PCDH15: variants seen among roughly 807,000 people sequenced by gnomAD.
PCDH15 encodes the protein protocadherin-15.
In PCDH15, 129 loss-of-function variants were observed where a neutral mutation model predicts 178.5. That is an observed-to-expected ratio of 0.72 (90% CI 0.63 to 0.84). The LOEUF is 0.84. Among genes scored for constraint, PCDH15 ranks in the 40% least tolerant of loss-of-function variants. PCDH15 has a pLI of 0.00. For synonymous variants in PCDH15, 800 were observed against 732.0 expected (o/e 1.09, Z -1.50); for missense variants, 2,230 against 2,099.9 (o/e 1.06, Z -1.21).
At chr10:55,021,224 A>G (rs189730283) in intron 2 of PCDH15, among the ~76,000 whole-genome samples, 1 of 152,256 alleles carries the variant, frequency 6.6e-6, no homozygotes, top group Non-Finnish European at 1.5e-5. Flanking sequence ...TTACTCTTCC[A>G]CCACAAATAT....
chr10:54,673,883 A>G (rs1001109351), intron 1 of PCDH15, among the ~76,000 whole-genome samples: 9 of 152,198 alleles, frequency 5.9e-5, no homozygotes, highest in Non-Finnish European at 1.3e-4. Context: ...ATGTACTTAC[A>G]ACATTTATTT....
intron 2 of PCDH15, among the ~76,000 whole-genome samples, chr10:55,081,819 T>A (rs906757670): frequency 6.6e-6 from 1 of 152,142 alleles, no homozygotes; most frequent in African/African-American, 2.4e-5. Context: ...GCAGGCTGAA[T>A]GGACTAAGAC....
At chr10:55,028,987 TGA>T (rs1840545135) in intron 2 of PCDH15, among the ~76,000 whole-genome samples, 1 of 150,314 alleles carries the variant, frequency 6.7e-6, no homozygotes, top group Non-Finnish European at 1.5e-5. Context: ...AAATTTTTTT[TGA>T]GTCTTTCCAT....
chr10:54,827,151 AC>A (rs1953145603), intron 3 of PCDH15, among the ~76,000 whole-genome samples: 1 of 152,120 alleles, frequency 6.6e-6, no homozygotes. Flanking sequence ...CCTCTGGATG[AC>A]AGTGGCTGCT....
chr10:54,465,958 T>C (rs2077490292), intron 3 of PCDH15, among the ~76,000 whole-genome samples: 1 of 151,988 alleles, frequency 6.6e-6, no homozygotes, highest in African/African-American at 2.4e-5. Flanking sequence ...CAAGATGGTA[T>C]CTCATGATTT....
At chr10:54,604,254 T>C (rs188118775) in intron 2 of PCDH15, among the ~76,000 whole-genome samples, 1 of 152,078 alleles carries the variant, frequency 6.6e-6, no homozygotes, top group Admixed American at 6.6e-5. Flanking sequence ...CAATCTTCTG[T>C]TGTTGGGTAA....
At chr10:54,994,393 T>C (rs1036464747) in intron 2 of PCDH15, among the ~76,000 whole-genome samples, 3 of 152,132 alleles carry the variant, frequency 2.0e-5, no homozygotes, top group Admixed American at 2.0e-4. Context: ...AGCAGTTGCC[T>C]GATATAAAGA....
intron 18 of PCDH15, among the ~76,000 whole-genome samples, chr10:54,050,405 T>C (rs1239791881): frequency 3.9e-5 from 6 of 152,158 alleles, no homozygotes; most frequent in Non-Finnish European, 8.8e-5. Context: ...TTAATTGTAA[T>C]GTCATCTTTT....
chr10:55,024,781 C>T lies in PCDH15; in HGVS notation c.-79-127281G>A, dbSNP rs536821340. 9.2e-5 allele frequency among the ~76,000 whole-genome samples: 14 copies of T among 152,208 alleles called. No homozygotes were observed. In the South Asian group the frequency reaches 2.5e-3, roughly 27 times the overall value. Reference sequence around the variant, plus strand: ...ACCTTTATACACTCATGAGTGTGATCCCCTCCTGCCATTCCCACTGCCACT... The same window carrying T: ...ACCTTTATACACTCATGAGTGTGATTCCCTCCTGCCATTCCCACTGCCACT... On this transcript the variant is annotated intron_variant, in intron 2 of 5. Transcript: ENST00000458638.
chr10:55,474,336 C>CA (rs1191605700), intron 2 of PCDH15, among the ~76,000 whole-genome samples: 1 of 152,016 alleles, frequency 6.6e-6, no homozygotes, highest in African/African-American at 2.4e-5. Context: ...ATTTTAATAA[C>CA]AAAAAAACTT....
chr10:54,449,985 T>C (rs1449023860), intron 3 of PCDH15, among the ~76,000 whole-genome samples: 2 of 151,726 alleles, frequency 1.3e-5, no homozygotes, highest in East Asian at 3.9e-4. Flanking sequence ...TAGAGAGTTC[T>C]TGAAAAGCCT....
intron 28 of PCDH15, among the ~76,000 whole-genome samples, chr10:53,844,371 A>G (rs1393648918): frequency 6.6e-6 from 1 of 152,108 alleles, no homozygotes; most frequent in Non-Finnish European, 1.5e-5. Flanking sequence ...TCAATAATTT[A>G]GAAGAAAAGA....
At chr10:54,862,551 C>T (rs925613237) in intron 3 of PCDH15, among the ~76,000 whole-genome samples, 2 of 152,150 alleles carry the variant, frequency 1.3e-5, no homozygotes, top group African/African-American at 4.8e-5. Flanking sequence ...CCCAACGCAG[C>T]ATTGTTGGGA....
chr10:55,587,918 G>C (rs1842758902), intron 2 of PCDH15, among the ~76,000 whole-genome samples: 1 of 152,082 alleles, frequency 6.6e-6, no homozygotes, highest in Non-Finnish European at 1.5e-5. Flanking sequence ...ATCAAAAAAA[G>C]AATAAGAGGG....
chr10:54,808,087 A>G (rs980387981), intron 3 of PCDH15, among the ~76,000 whole-genome samples: 2 of 152,168 alleles, frequency 1.3e-5, no homozygotes, highest in Admixed American at 1.3e-4. Flanking sequence ...TCTAAATATT[A>G]TCTTTAGATA....
chr10:55,409,032 T>C (rs1565108652), intron 2 of PCDH15, among the ~76,000 whole-genome samples: 1 of 152,138 alleles, frequency 6.6e-6, no homozygotes, highest in African/African-American at 2.4e-5. Context: ...GTACCACTTG[T>C]TAATGTTGAA....
chr10:53,882,333 C>T (rs551835363), intron 26 of PCDH15, among the ~76,000 whole-genome samples: 1 of 152,140 alleles, frequency 6.6e-6, no homozygotes, highest in South Asian at 2.1e-4. Flanking sequence ...TCCCAGAGCT[C>T]GGGGCCTTTG....
intron 2 of PCDH15, among the ~76,000 whole-genome samples, chr10:55,606,562 G>C (rs1461428816): frequency 1.4e-5 from 2 of 142,430 alleles, no homozygotes; most frequent in African/African-American, 5.2e-5. Context: ...TAGATCAATG[G>C]AACAGAACAG....
chr10:54,274,105 G>A (rs2058206664), intron 8 of PCDH15, among the ~76,000 whole-genome samples: 1 of 152,030 alleles, frequency 6.6e-6, no homozygotes, highest in Non-Finnish European at 1.5e-5. Flanking sequence ...TGGACACATA[G>A]AGTGGGGGAC....
Sources: gnomAD v4.1 joint callset for allele counts (sites outside exome capture counted in the v4.1 genomes callset) on GRCh38, gnomAD v4.1.1 for gene constraint, MANE v1.5 for transcripts, NCBI Gene and HGNC (gene_info 2026-07-23, HGNC 2026-07-21) for gene names.